The following DOCK1 variants were observed in gnomAD, a reference collection of about 807,000 sequenced individuals.
DOCK1 encodes dedicator of cytokinesis protein 1.
A neutral mutation model predicts 262.7 loss-of-function variants in DOCK1; 138 were observed. That is an observed-to-expected ratio of 0.53 (90% confidence interval 0.46 to 0.61). The LOEUF is 0.61. Ranked by LOEUF, DOCK1 falls within the 20% of genes least tolerant of loss-of-function variation. The pLI is 0.00. For missense variants in DOCK1, 1,908 were observed against 2,370.7 expected, an observed-to-expected ratio of 0.80 and a Z score of 4.05; for synonymous variants, 866 against 867.4, an observed-to-expected ratio of 1.00 and a Z score of 0.03.
At chr10:127,360,785 A>G (rs969292593) in intron 32 of DOCK1, among the ~76,000 whole-genome samples, 13 of 152,336 alleles carry the variant, frequency 8.5e-5, no homozygotes, top group African/African-American at 3.1e-4. Flanking sequence ...AATGAGGGTC[A>G]CAGCTAAGCC....
intron 23 of DOCK1, among the ~76,000 whole-genome samples, chr10:127,077,404 A>C (rs2046631931): frequency 6.6e-6 from 1 of 152,184 alleles, no homozygotes; most frequent in African/African-American, 2.4e-5. Context: ...CAAAATAAAA[A>C]TAAAAAAAGT....
At chr10:127,078,541 C>T (rs966292864) in intron 23 of DOCK1, among the ~76,000 whole-genome samples, 18 of 152,220 alleles carry the variant, frequency 1.2e-4, no homozygotes, top group African/African-American at 4.1e-4. Context: ...TCTGTGTATG[C>T]GCAATGTATT....
rs143418175 is a variant in DOCK1, at chr10:127,447,908, A to G, written c.5565+363A>G. Among the ~76,000 whole-genome samples, 44 of 152,284 alleles carry G rather than the reference A, an allele frequency of 2.9e-4. No homozygotes were observed. The East Asian group carries it at 8.1e-3, about 28-fold the overall frequency. On this transcript the variant is annotated intron_variant, in intron 51 of 51. Coordinates refer to ENST00000623213, the MANE Select transcript of DOCK1 (RefSeq NM_001290223.2). Reference sequence around the variant, plus strand: ...TTGATTTTTGAGAAGTAGCTTTTCTATCAAGAGGTCTGACTTTTTAAAGAG... The same window carrying G: ...TTGATTTTTGAGAAGTAGCTTTTCTGTCAAGAGGTCTGACTTTTTAAAGAG...
intron 30 of DOCK1, among the ~76,000 whole-genome samples, chr10:127,342,086 C>CTGTTGT (rs201304486): frequency 1.4e-5 from 2 of 146,722 alleles, no homozygotes; most frequent in Non-Finnish European, 3.0e-5. Flanking sequence ...GTTGCTGTTG[C>CTGTTGT]TGTTGTTGTT....
rs187730737 is a variant in DOCK1, at chr10:127,420,008, G to A, written c.4776+259G>A. Among the ~76,000 whole-genome samples the A allele has an allele frequency of 3.9e-5, 6 of 152,298 alleles. No individual in the cohort carries two copies. In the East Asian group the frequency reaches 7.7e-4, roughly 20 times the overall value. The stretch of plus-strand genomic sequence containing the variant: ...TTTCCTCCCCTTGGTCAATTCTGCC[G>A]GCTGCTGGAAAACTTTTTCTCTGTC... On this transcript the variant is annotated intron_variant, in intron 46 of 51. Transcript: ENST00000623213.
chr10:127,351,162 T>A (rs2133844330), intron 31 of DOCK1, among the ~76,000 whole-genome samples: 1 of 152,288 alleles, frequency 6.6e-6, no homozygotes, highest in African/African-American at 2.4e-5. Flanking sequence ...ATGTCCGGGT[T>A]ACAGCCTGGA....
intron 16 of DOCK1, among the ~76,000 whole-genome samples, chr10:127,027,324 G>T (rs985753384): frequency 1.3e-5 from 2 of 152,200 alleles, no homozygotes; most frequent in Admixed American, 1.3e-4. Flanking sequence ...GGCTGGTGCC[G>T]TGGCTCACAC....
chr10:127,204,760 T>C (rs1341866292), intron 27 of DOCK1, among the ~76,000 whole-genome samples: 9 of 152,200 alleles, frequency 5.9e-5, no homozygotes, highest in Non-Finnish European at 1.3e-4. Flanking sequence ...TGTTAAACAT[T>C]GAAGAAGATC....
intron 23 of DOCK1, among the ~76,000 whole-genome samples, chr10:127,074,316 C>T (rs1245291701): frequency 6.6e-6 from 1 of 152,152 alleles, no homozygotes; most frequent in Non-Finnish European, 1.5e-5. Context: ...TGCCCAGGAA[C>T]AGAGGGGTCC....
chr10:127,101,350 G>A (rs370333161), intron 23 of DOCK1, among the ~76,000 whole-genome samples: 10 of 152,230 alleles, frequency 6.6e-5, no homozygotes, highest in Middle Eastern at 3.4e-3. Context: ...AGTGTAAGAC[G>A]TGCCTCTCCT....
chr10:127,123,643 G>C (rs2049755168), intron 25 of DOCK1, among the ~76,000 whole-genome samples: 1 of 152,188 alleles, frequency 6.6e-6, no homozygotes, highest in Non-Finnish European at 1.5e-5. Context: ...TGGAAATAGT[G>C]TGTCCCATGT....
chr10:126,926,396 A>G (rs1050205848), intron 1 of DOCK1, among the ~76,000 whole-genome samples: 1 of 152,124 alleles, frequency 6.6e-6, no homozygotes, highest in Non-Finnish European at 1.5e-5. Context: ...AAAAGAAAAA[A>G]AAGAACTTTG....
Position 127,248,026 on chromosome 10 carries a change from A to G in DOCK1, c.2866A>G (p.Met956Val), listed in dbSNP as rs1228123616. The G allele has an allele frequency of 6.2e-7, 1 of 1,613,924 alleles. No individual in the cohort carries two copies. The change falls in exon 28 of 52, where the codon ATG (methionine) becomes GTG (valine). Residue 956 changes from methionine to valine, a missense_variant. Met to Val is a conservative substitution (Grantham distance 21, BLOSUM62 1). Around this residue, in one of 9 missense-constraint regions of DOCK1, gnomAD observed 518 missense variants for 575.1 expected, o/e 0.90. Transcript: ENST00000623213. ...TTTACAGGGAAACTTCGTGGCTTGC[A>G]TGACAGCTATTTTACGACAAATGGA... ...SELIGNFVAC[M>V]TAILRQMEDY...
intron 13 of DOCK1, 43 bp from the exon 14 acceptor site, chr10:127,023,157 A>G: frequency 1.9e-6 from 3 of 1,607,368 alleles, no homozygotes; most frequent in Admixed American, 3.4e-5. Flanking sequence ...TTACGCTATT[A>G]ATAATGGATT....
At position 127,034,597 on chromosome 10, in the gene DOCK1, G is replaced by A. The variant is rs114052022; in HGVS notation, c.1912+2277G>A. 8.9e-3 allele frequency among the ~76,000 whole-genome samples: 1,359 copies of A among 152,172 alleles called. 22 individuals carry two copies. The highest frequency in any genetic ancestry group is 0.031 in the African/African-American group (1,276 of 41,512). On this transcript the variant is annotated intron_variant, in intron 18 of 51. Transcript: ENST00000623213. ...GGATGTGGCCTTGATAGCTCCACTC[G>A]CCTGACAGATGACAGCATCCAGAGC...
chr10:127,105,147 T>G (rs1483993484), intron 23 of DOCK1, among the ~76,000 whole-genome samples: 2 of 152,192 alleles, frequency 1.3e-5, no homozygotes, highest in Non-Finnish European at 2.9e-5. Context: ...CCTGCTGCCA[T>G]GTAAGATGTG....
chr10:127,425,526 A>C (rs1213910168), intron 46 of DOCK1, among the ~76,000 whole-genome samples: 1 of 152,218 alleles, frequency 6.6e-6, no homozygotes, highest in African/African-American at 2.4e-5. Context: ...AAATGTTCGC[A>C]CTCTGACATG....
At chr10:127,093,239 C>CTTTCTTTCTTTCTTTCTTTCT (rs372397425) in intron 23 of DOCK1, among the ~76,000 whole-genome samples, 10 of 94,266 alleles carry the variant, frequency 1.1e-4, no homozygotes, top group African/African-American at 4.4e-4. Flanking sequence ...TTCTTTCTTT[C>CTTTCTTTCTTTCTTTCTTTCT]TTCTTTTTTT....
intron 29 of DOCK1, among the ~76,000 whole-genome samples, chr10:127,316,839 G>A (rs1194521009): frequency 6.6e-6 from 1 of 152,038 alleles, no homozygotes; most frequent in South Asian, 2.1e-4. Flanking sequence ...AGGTACACTC[G>A]TGGCCATGTG....
Sources: allele counts gnomAD v4.1 joint callset (sites outside exome capture counted in the v4.1 genomes callset), GRCh38; gene constraint gnomAD v4.1.1; regional missense constraint gnomAD v4.1.1; transcripts MANE v1.5; gene names NCBI Gene and HGNC (gene_info 2026-07-23, HGNC 2026-07-21).